PDE7B: variants seen among roughly 807,000 people sequenced by gnomAD.
The protein encoded by PDE7B is 3',5'-cyclic-AMP phosphodiesterase 7B.
A neutral mutation model predicts 56.2 loss-of-function variants in PDE7B; 29 were observed. The ratio of observed to expected loss-of-function variants is 0.52; its 90% CI spans 0.38 to 0.70. The LOEUF is 0.70. Ranked by LOEUF, PDE7B falls within the 30% of genes least tolerant of loss-of-function variation. The pLI, the probability that PDE7B is intolerant of heterozygous loss-of-function variation, is 0.00. For missense variants in PDE7B, 490 were observed against 565.0 expected, an observed-to-expected ratio of 0.87 and a Z score of 1.35; for synonymous variants, 197 against 196.9, an observed-to-expected ratio of 1.00 and a Z score of 0.00.
At chr6:136,078,146 A>G (rs765592886) in intron 2 of PDE7B, among the ~76,000 whole-genome samples, 9 of 152,208 alleles carry the variant, frequency 5.9e-5, no homozygotes, top group Non-Finnish European at 1.2e-4. Flanking sequence ...CTGCAGAAAT[A>G]CTGGGCAAAG....
intron 1 of PDE7B, among the ~76,000 whole-genome samples, chr6:135,857,143 G>A (rs1037067575): frequency 2.7e-5 from 4 of 150,608 alleles, no homozygotes; most frequent in African/African-American, 9.8e-5. Context: ...AAGGAAAGAA[G>A]GGAAAAATAG....
chr6:136,120,936 C>T (rs1777923477), intron 3 of PDE7B, among the ~76,000 whole-genome samples: 1 of 152,182 alleles, frequency 6.6e-6, no homozygotes, highest in Non-Finnish European at 1.5e-5. Flanking sequence ...CCCTCCCCTA[C>T]ATGTCCACAT....
chr6:135,952,698 C>CA (rs1774723626), intron 2 of PDE7B, among the ~76,000 whole-genome samples: 3 of 152,060 alleles, frequency 2.0e-5, no homozygotes, highest in Admixed American at 2.0e-4. Context: ...TAGATGGATG[C>CA]AAGACCACTC....
rs1389112185 is a variant in PDE7B, at chr6:136,062,926, G to A, written c.83-45805G>A. Among the ~76,000 whole-genome samples the A allele has an allele frequency of 1.3e-4, 20 of 152,278 alleles. No individual in the cohort carries two copies. The East Asian group carries it at 3.7e-3, about 28-fold the overall frequency. ...TAGACAGGAAGAGGAAGCAAGGAGA[G>A]CAGAGACTGTTAACACTGACCCATG... is the stretch of plus-strand genomic sequence containing the variant. On this transcript the variant is annotated intron_variant, in intron 2 of 12. Coordinates refer to ENST00000308191, the MANE Select transcript of PDE7B (RefSeq NM_018945.4).
intron 2 of PDE7B, among the ~76,000 whole-genome samples, chr6:135,953,008 C>T (rs1374101211): frequency 6.6e-6 from 1 of 152,002 alleles, no homozygotes; most frequent in African/African-American, 2.4e-5. Context: ...TAATTTTAAA[C>T]CAATGCATAT....
intron 2 of PDE7B, among the ~76,000 whole-genome samples, chr6:136,009,188 G>A (rs997679975): frequency 7.9e-5 from 12 of 151,614 alleles, no homozygotes; most frequent in African/African-American, 1.2e-4. Flanking sequence ...TGTTCCATTG[G>A]TCTATATCTC....
intron 2 of PDE7B, among the ~76,000 whole-genome samples, chr6:135,957,931 A>G (rs1774826677): frequency 6.6e-6 from 1 of 152,010 alleles, no homozygotes; most frequent in African/African-American, 2.4e-5. Flanking sequence ...CTGTCCAATC[A>G]CATCAAAACT....
At chr6:136,117,764 C>G (rs1473817906) in intron 3 of PDE7B, among the ~76,000 whole-genome samples, 1 of 152,156 alleles carries the variant, frequency 6.6e-6, no homozygotes, top group Non-Finnish European at 1.5e-5. Context: ...CTATAGGTCT[C>G]TTGGAAGCCT....
At chr6:136,018,406 G>T (rs1378189387) in intron 2 of PDE7B, among the ~76,000 whole-genome samples, 1 of 152,156 alleles carries the variant, frequency 6.6e-6, no homozygotes, top group South Asian at 2.1e-4. Flanking sequence ...ACAGAAATAT[G>T]ATTCAGTAAA....
chr6:135,881,166 G>GA (rs1237180244), intron 1 of PDE7B, among the ~76,000 whole-genome samples: 4 of 151,924 alleles, frequency 2.6e-5, no homozygotes, highest in African/African-American at 9.7e-5. Flanking sequence ...GCATATCTTT[G>GA]AGACTCAGAA....
At chr6:136,004,713 C>G (rs900339784) in intron 2 of PDE7B, among the ~76,000 whole-genome samples, 5 of 152,092 alleles carry the variant, frequency 3.3e-5, no homozygotes, top group Non-Finnish European at 7.4e-5. Context: ...AGGATACAAA[C>G]AAGTGGAAGA....
intron 2 of PDE7B, among the ~76,000 whole-genome samples, chr6:135,967,678 A>G (rs1205186925): frequency 2.0e-5 from 3 of 152,210 alleles, no homozygotes; most frequent in African/African-American, 7.2e-5. Context: ...ACTGTCCTTC[A>G]TAAGAATGAG....
At chr6:136,102,722 T>A (rs1419435934) in intron 2 of PDE7B, among the ~76,000 whole-genome samples, 2 of 152,184 alleles carry the variant, frequency 1.3e-5, no homozygotes, top group Non-Finnish European at 2.9e-5. Context: ...TTTTTTCTCA[T>A]TTTCCCTCTG....
chr6:136,039,140 C>T (rs1776374716), intron 2 of PDE7B, among the ~76,000 whole-genome samples: 1 of 151,862 alleles, frequency 6.6e-6, no homozygotes, highest in Non-Finnish European at 1.5e-5. Context: ...AATAATGATT[C>T]CCAGGGACTT....
chr6:135,937,070 T>C (rs1224843927), intron 1 of PDE7B, among the ~76,000 whole-genome samples: 2 of 152,202 alleles, frequency 1.3e-5, no homozygotes, highest in Non-Finnish European at 2.9e-5. Flanking sequence ...TAGACATAAT[T>C]GGGAGTATGT....
At chr6:136,062,215 T>C (rs1007835670) in intron 2 of PDE7B, among the ~76,000 whole-genome samples, 1 of 152,190 alleles carries the variant, frequency 6.6e-6, no homozygotes, top group African/African-American at 2.4e-5. Flanking sequence ...TTTTCCACCT[T>C]TATTGAGATA....
At chr6:136,078,411 A>G (rs931155678) in intron 2 of PDE7B, among the ~76,000 whole-genome samples, 2 of 152,148 alleles carry the variant, frequency 1.3e-5, no homozygotes, top group Admixed American at 6.5e-5. Flanking sequence ...ATGATCAGAC[A>G]TTGCCTTCTT....
chr6:135,890,785 T>G (rs1470590449), intron 1 of PDE7B, among the ~76,000 whole-genome samples: 2 of 152,170 alleles, frequency 1.3e-5, no homozygotes, highest in African/African-American at 4.8e-5. Context: ...AAACTGCTAA[T>G]GGGAAAACGA....
intron 8 of PDE7B, among the ~76,000 whole-genome samples, chr6:136,169,049 AGT>A (rs1185411527): frequency 3.9e-5 from 6 of 152,134 alleles, no homozygotes; most frequent in Non-Finnish European, 7.4e-5. Context: ...TGCAGGCATA[AGT>A]GAGGCCTTCC....
Sources: gnomAD v4.1 joint callset for allele counts (sites outside exome capture counted in the v4.1 genomes callset) on GRCh38, gnomAD v4.1.1 for gene constraint, MANE v1.5 for transcripts, NCBI Gene and HGNC (gene_info 2026-07-23, HGNC 2026-07-21) for gene names.